Variants in COL6A6 observed in about 807,000 individuals in gnomAD.
COL6A6 encodes the protein collagen type VI alpha 6 chain, also known as collagen alpha-6(VI) chain.
COL6A6 carries 183 observed loss-of-function variants against 208.6 expected under a neutral mutation model. That is an observed-to-expected ratio of 0.88 (90% CI 0.78 to 0.99). COL6A6 has a LOEUF of 0.99. COL6A6 is among the 50% of genes least tolerant of loss of function. COL6A6 has a pLI of 0.00. For missense variants in COL6A6, 2,816 were observed against 2,815.2 expected, an observed-to-expected ratio of 1.00 and a Z score of -0.01; for synonymous variants, 973 against 1,011.8, an observed-to-expected ratio of 0.96 and a Z score of 0.73.
chr3:130,534,749 A>G (rs2062184413), intron 1 of COL6A6, among the ~76,000 whole-genome samples: 1 of 152,140 alleles, frequency 6.6e-6, no homozygotes, highest in African/African-American at 2.4e-5. Context: ...TTTCACAGCC[A>G]GCACCTACTT....
intron 3 of COL6A6, 102 bp from the exon 4 acceptor site, chr3:130,564,892 T>C: frequency 1.2e-5 from 15 of 1,290,612 alleles, no homozygotes; most frequent in Non-Finnish European, 1.6e-5. Flanking sequence ...CTTCTCTAAG[T>C]GCATAACTGA....
rs1355497143 is a variant in COL6A6 at position 130,623,026 on chromosome 3, G to A, written c.4878+1143G>A. Among the ~76,000 whole-genome samples the A allele has an allele frequency of 3.9e-5, 6 of 152,118 alleles. No individual in the cohort carries two copies. The South Asian group carries it at 1.2e-3, about 32-fold the overall frequency. On this transcript the variant is annotated intron_variant, in intron 24 of 36. Coordinates refer to ENST00000358511, the MANE Select transcript of COL6A6 (RefSeq NM_001102608.3). ...TAGGCATGAAAAATGATCCTGTCTG[G>A]CAGGCCAAAAACAACAAGAAAGCCT...
chr3:130,604,375 G>A (rs1348536325), intron 20 of COL6A6, among the ~76,000 whole-genome samples: 2 of 151,962 alleles, frequency 1.3e-5, no homozygotes, highest in Non-Finnish European at 2.9e-5. Flanking sequence ...GGCGCCTGTA[G>A]TCCCAGCTAC....
At chr3:130,590,954 AGTAAAACT>A in intron 12 of COL6A6, 79 bp from the exon 13 acceptor site, 3 of 960,836 alleles carry the variant, frequency 3.1e-6, no homozygotes, top group Non-Finnish European at 4.9e-6. Context: ...TTCCACATGA[AGTAAAACT>A]GTAAAACTGA....
chr3:130,592,670 A>G, intron 14 of COL6A6, 26 bp from the exon 15 acceptor site: 1 of 1,612,830 alleles, frequency 6.2e-7, no homozygotes, highest in Non-Finnish European at 8.5e-7. Flanking sequence ...TTCCTACACT[A>G]ACTATAACTG....
chr3:130,525,830 C>A (rs539036553), intron 1 of COL6A6, among the ~76,000 whole-genome samples: 11 of 152,180 alleles, frequency 7.2e-5, no homozygotes, highest in Non-Finnish European at 1.5e-4. Flanking sequence ...CCTGGAACAT[C>A]ACATTCCTCC....
chr3:130,606,459 T>C (rs2064186210), intron 20 of COL6A6, among the ~76,000 whole-genome samples: 1 of 152,278 alleles, frequency 6.6e-6, no homozygotes, highest in African/African-American at 2.4e-5. Context: ...TCTTTATGTC[T>C]GAACTTAATC....
chr3:130,667,244 T>A (rs769441402), intron 36 of COL6A6, among the ~76,000 whole-genome samples: 2 of 152,186 alleles, frequency 1.3e-5, no homozygotes, highest in Non-Finnish European at 2.9e-5. Context: ...AACAAATGTT[T>A]TTTTGTTTGT....
At chr3:130,547,711 C>T (rs769810417) in intron 1 of COL6A6, among the ~76,000 whole-genome samples, 14 of 152,200 alleles carry the variant, frequency 9.2e-5, no homozygotes, top group South Asian at 4.1e-4. Flanking sequence ...TTAGAATTTC[C>T]ATCTCTCTAC....
chr3:130,578,291 G>A (rs1384036953), intron 8 of COL6A6, among the ~76,000 whole-genome samples: 2 of 152,000 alleles, frequency 1.3e-5, no homozygotes, highest in Non-Finnish European at 2.9e-5. Flanking sequence ...AAAATATAAG[G>A]AAAAAAATAG....
At chr3:130,545,435 C>T (rs1241541619) in intron 1 of COL6A6, among the ~76,000 whole-genome samples, 1 of 150,052 alleles carries the variant, frequency 6.7e-6, no homozygotes, top group Non-Finnish European at 1.5e-5. Flanking sequence ...TTTTCCACCT[C>T]CTGGCTGCTT....
At chr3:130,639,538 C>T (rs1245727894) in intron 28 of COL6A6, among the ~76,000 whole-genome samples, 2 of 152,018 alleles carry the variant, frequency 1.3e-5, no homozygotes, top group Non-Finnish European at 2.9e-5. Context: ...ACAAAAAATA[C>T]AAAAATTAGC....
chr3:130,531,402 A>C (rs2062092090), intron 1 of COL6A6, among the ~76,000 whole-genome samples: 1 of 152,144 alleles, frequency 6.6e-6, no homozygotes, highest in Non-Finnish European at 1.5e-5. Context: ...TCCACTGGGA[A>C]TGGAAAATCT....
chr3:130,578,832 G>A (rs2107985995), intron 8 of COL6A6, among the ~76,000 whole-genome samples: 1 of 152,306 alleles, frequency 6.6e-6, no homozygotes, highest in South Asian at 2.1e-4. Flanking sequence ...CAGAGCCAAG[G>A]TGGCCGTTCT....
intron 2 of COL6A6, among the ~76,000 whole-genome samples, chr3:130,562,295 C>T (rs1168141021): frequency 6.6e-6 from 1 of 152,206 alleles, no homozygotes; most frequent in East Asian, 1.9e-4. Flanking sequence ...CAAAGTATTA[C>T]ATTCCTATAT....
In COL6A6 at chr3:130,675,371, GA is replaced by G. The variant is rs780150795; in HGVS notation, c.6769del (p.Ser2257ValfsTer29). The part of the protein sequence containing the change: ...SHTFKNGRMI[E>X]SAPKQHD ...TACCTTTAAGAATGGAAGGATGATA[GA>G]AAGTGCTCCCAAACAACATGATTAA... is the stretch of plus-strand genomic sequence containing the variant. On this transcript the variant is annotated frameshift_variant, in exon 37 of 37. Coordinates refer to ENST00000358511, the MANE Select transcript of COL6A6 (RefSeq NM_001102608.3). LOFTEE classifies it low-confidence loss of function (END_TRUNC). The G allele has an allele frequency of 6.3e-7, 1 of 1,591,914 alleles. No individual in the cohort carries two copies. Among genetic ancestry groups the G allele is most frequent in the Non-Finnish European group, 8.6e-7 (1 of 1,169,528 alleles).
chr3:130,619,906 C>T (rs1463793677), intron 23 of COL6A6, among the ~76,000 whole-genome samples: 2 of 152,032 alleles, frequency 1.3e-5, no homozygotes, highest in East Asian at 3.9e-4. Flanking sequence ...TTTTGAGAAT[C>T]CATTTCTATT....
At chr3:130,554,784 TAAAG>T (rs2062730178) in intron 1 of COL6A6, among the ~76,000 whole-genome samples, 1 of 152,054 alleles carries the variant, frequency 6.6e-6, no homozygotes, top group African/African-American at 2.4e-5. Context: ...TGTTCACTGG[TAAAG>T]AAAGCAACAT....
At chr3:130,538,053 A>G (rs2062266737) in intron 1 of COL6A6, among the ~76,000 whole-genome samples, 1 of 152,228 alleles carries the variant, frequency 6.6e-6, no homozygotes, top group Non-Finnish European at 1.5e-5. Context: ...AAATTCCTTC[A>G]TCTGCAGAGA....
Sources: gnomAD v4.1 joint callset for allele counts (sites outside exome capture counted in the v4.1 genomes callset) on GRCh38, gnomAD v4.1.1 for gene constraint, MANE v1.5 for transcripts, NCBI Gene and HGNC (gene_info 2026-07-23, HGNC 2026-07-21) for gene names.